KIAA0825: variants seen among roughly 807,000 people sequenced by gnomAD.
The protein encoded by KIAA0825 is uncharacterized protein KIAA0825.
In KIAA0825, 119 loss-of-function variants were observed where a neutral mutation model predicts 147.6. The observed-to-expected ratio is 0.81, with a 90% confidence interval of 0.69 to 0.94. The LOEUF (loss-of-function observed/expected upper bound fraction) is 0.94, where lower values mean the gene tolerates loss of function less well. KIAA0825 is among the 40% of genes least tolerant of loss of function. The pLI is 0.00. For synonymous variants in KIAA0825, 470 were observed against 518.1 expected (o/e 0.91, Z 1.26); for missense variants, 1,381 against 1,472.7 (o/e 0.94, Z 1.02).
At chr5:94,531,725 T>C (rs1276308028) in intron 3 of KIAA0825, among the ~76,000 whole-genome samples, 1 of 152,154 alleles carries the variant, frequency 6.6e-6, no homozygotes, top group African/African-American at 2.4e-5. Flanking sequence ...TAGGGATTCT[T>C]TGAGATGTAG....
chr5:94,541,781 A>G (rs1773368737), intron 2 of KIAA0825, among the ~76,000 whole-genome samples: 1 of 152,260 alleles, frequency 6.6e-6, no homozygotes, highest in African/African-American at 2.4e-5. Flanking sequence ...TTTGACACCA[A>G]TAATGCACTA....
At position 94,153,908 on chromosome 5, in the gene KIAA0825, T is replaced by A; in HGVS notation, c.*99A>T. The stretch of plus-strand genomic sequence containing the variant: ...GATTACTCAGTCATTGGTTTCATGC[T>A]TCACAGCACATATGAGGTTCATTCT... On this transcript the variant is annotated 3_prime_UTR_variant, in exon 21 of 21. Coordinates refer to ENST00000682413, the MANE Select transcript of KIAA0825 (RefSeq NM_001145678.3). 2 of 754,064 alleles carry A rather than the reference T, an allele frequency of 2.7e-6. No individual in the cohort carries two copies. The highest frequency in any genetic ancestry group is 2.3e-6 in the Non-Finnish European group (1 of 443,662). 46.7% of individuals were successfully genotyped at this position (754,064 alleles called of 1,614,324 possible). A position where few individuals can be genotyped will look rare whatever the true frequency, so the allele number is the denominator to read the frequency against.
intron 20 of KIAA0825, among the ~76,000 whole-genome samples, chr5:94,223,778 C>T (rs568680735): frequency 6.6e-6 from 1 of 152,244 alleles, no homozygotes; most frequent in South Asian, 2.1e-4. Flanking sequence ...TAACTAACAA[C>T]ATATGCTAGG....
chr5:94,258,341 G>T (rs909155020), intron 20 of KIAA0825, among the ~76,000 whole-genome samples: 18 of 152,008 alleles, frequency 1.2e-4, no homozygotes, highest in Non-Finnish European at 1.8e-4. Context: ...TATTAACTTG[G>T]ACTTCTTTTC....
intron 18 of KIAA0825, among the ~76,000 whole-genome samples, chr5:94,387,829 T>C (rs1584342011): frequency 6.6e-6 from 1 of 152,294 alleles, no homozygotes; most frequent in South Asian, 2.1e-4. Context: ...GAGGTAAAGC[T>C]GTGGGGAGGA....
At chr5:94,264,670 C>A (rs1041390660) in intron 20 of KIAA0825, among the ~76,000 whole-genome samples, 1 of 152,088 alleles carries the variant, frequency 6.6e-6, no homozygotes, top group African/African-American at 2.4e-5. Context: ...AATCTAAATA[C>A]CTGTCTCCTC....
At chr5:94,184,646 G>A (rs1769960283) in intron 20 of KIAA0825, among the ~76,000 whole-genome samples, 1 of 152,066 alleles carries the variant, frequency 6.6e-6, no homozygotes, top group African/African-American at 2.4e-5. Context: ...CAGGTTTTGT[G>A]CTATTATCAT....
intron 18 of KIAA0825, among the ~76,000 whole-genome samples, chr5:94,388,157 C>T (rs774033444): frequency 2.4e-4 from 37 of 152,132 alleles, no homozygotes; most frequent in Non-Finnish European, 4.1e-4. Flanking sequence ...ATAAGGAACA[C>T]ACAACATAAA....
intron 5 of KIAA0825, among the ~76,000 whole-genome samples, chr5:94,517,938 T>TA (rs1394146048): frequency 6.6e-6 from 1 of 152,092 alleles, no homozygotes; most frequent in East Asian, 1.9e-4. Flanking sequence ...GCAAATTACT[T>TA]AACATCTCTA....
chr5:94,205,360 G>A (rs1001311530), intron 20 of KIAA0825, among the ~76,000 whole-genome samples: 14 of 148,322 alleles, frequency 9.4e-5, no homozygotes, highest in Admixed American at 3.4e-4. Context: ...GGAGTGTTGT[G>A]GCGTGATCTC....
At chr5:94,426,091 G>A (rs2150758039) in intron 14 of KIAA0825, among the ~76,000 whole-genome samples, 1 of 151,000 alleles carries the variant, frequency 6.6e-6, no homozygotes, top group African/African-American at 2.4e-5. Context: ...GGATAGTCTT[G>A]AATTCCTGGT....
At chr5:94,201,589 GT>G (rs926037086) in intron 20 of KIAA0825, among the ~76,000 whole-genome samples, 4 of 144,606 alleles carry the variant, frequency 2.8e-5, no homozygotes, top group African/African-American at 7.7e-5. Context: ...AAAAAAGGTT[GT>G]TTTTTTTTGT....
At chr5:94,190,491 A>ATTTTTTTTTT (rs70975895) in intron 20 of KIAA0825, among the ~76,000 whole-genome samples, 6 of 106,302 alleles carry the variant, frequency 5.6e-5, no homozygotes, top group Non-Finnish European at 9.6e-5. Flanking sequence ...ACGCCCAGCT[A>ATTTTTTTTTT]TTTTTTTTTT....
chr5:94,236,265 G>A (rs1013884278), intron 20 of KIAA0825, among the ~76,000 whole-genome samples: 1 of 152,206 alleles, frequency 6.6e-6, no homozygotes, highest in Non-Finnish European at 1.5e-5. Context: ...ATGAACAGGA[G>A]TTTGGAAGAA....
chr5:94,457,554 G>A (rs1028823768), intron 12 of KIAA0825, among the ~76,000 whole-genome samples: 1 of 152,128 alleles, frequency 6.6e-6, no homozygotes. Flanking sequence ...CGTTAGCATC[G>A]TAGGGCCTCT....
chr5:94,449,065 G>GAATTTA (rs1758076746), intron 13 of KIAA0825, among the ~76,000 whole-genome samples: 1 of 152,062 alleles, frequency 6.6e-6, no homozygotes, highest in South Asian at 2.1e-4. Context: ...CTTGCATGGA[G>GAATTTA]AATTTAGAAA....
intron 20 of KIAA0825, among the ~76,000 whole-genome samples, chr5:94,311,702 C>T (rs1233181064): frequency 1.3e-5 from 2 of 151,622 alleles, no homozygotes. Context: ...TAAAACTATT[C>T]ACACGAAAAG....
chr5:94,475,939 C>T (rs1325805204), intron 7 of KIAA0825, among the ~76,000 whole-genome samples: 2 of 152,226 alleles, frequency 1.3e-5, no homozygotes, highest in African/African-American at 2.4e-5. Context: ...TGGCATCATA[C>T]ATATTCCATT....
At chr5:94,418,837 C>CA (rs1427036709) in intron 14 of KIAA0825, among the ~76,000 whole-genome samples, 2 of 152,150 alleles carry the variant, frequency 1.3e-5, no homozygotes, top group African/African-American at 4.8e-5. Flanking sequence ...GCAATGCCTA[C>CA]ATATTTATGC....
Sources: allele counts gnomAD v4.1 joint callset (sites outside exome capture counted in the v4.1 genomes callset), GRCh38; gene constraint gnomAD v4.1.1; transcripts MANE v1.5; gene names NCBI Gene and HGNC (gene_info 2026-07-23, HGNC 2026-07-21).